The following RBFOX3 variants were observed in gnomAD, a reference collection of about 807,000 sequenced individuals.
RBFOX3 encodes the protein RNA binding fox-1 homolog 3, also known as RNA binding protein fox-1 homolog 3.
In RBFOX3, 17 loss-of-function variants were observed where a neutral mutation model predicts 48.7. The observed-to-expected ratio is 0.35, with a 90% CI of 0.24 to 0.52. The LOEUF (loss-of-function observed/expected upper bound fraction) is 0.52, where lower values mean the gene tolerates loss of function less well. RBFOX3 is among the 20% of genes least tolerant of loss of function. RBFOX3 has a pLI of 0.94. For synonymous variants in RBFOX3, 212 were observed against 209.5 expected, an observed-to-expected ratio of 1.01 and a Z score of -0.10; for missense variants, 382 against 497.5, an observed-to-expected ratio of 0.77 and a Z score of 2.21.
At chr17:79,558,422 C>T (rs1479493236) in intron 1 of RBFOX3, among the ~76,000 whole-genome samples, 2 of 152,184 alleles carry the variant, frequency 1.3e-5, no homozygotes, top group African/African-American at 2.4e-5. Context: ...GCGCAGAGAC[C>T]GGCTGGGGGC....
At chr17:79,170,146 GA>G (rs369151848) in intron 4 of RBFOX3, among the ~76,000 whole-genome samples, 2 of 144,248 alleles carry the variant, frequency 1.4e-5, no homozygotes, top group East Asian at 4.3e-4. Flanking sequence ...AGGAGGGAAG[GA>G]AGGAAGGGAG....
intron 4 of RBFOX3, among the ~76,000 whole-genome samples, chr17:79,178,549 C>T (rs958880832): frequency 7.2e-5 from 11 of 152,210 alleles, no homozygotes; most frequent in Non-Finnish European, 1.6e-4. Flanking sequence ...AGTACGTGAC[C>T]TAACCTCCCA....
Position 79,204,299 on chromosome 17 carries a change from G to A in RBFOX3, c.-34+31467C>T, listed in dbSNP as rs543583810. On this transcript the variant is annotated intron_variant, in intron 4 of 14. Transcript: ENST00000693108. The surrounding 1 kb of genome is among the most constrained non-coding windows in gnomAD (Gnocchi z 4.5). ...CGCCGGGGAGCGGACACACACCAGC[G>A]GGCGCCGGGGAGCGGGTACACACCA... Among the ~76,000 whole-genome samples, 154 of 152,202 alleles carry A rather than the reference G, an allele frequency of 1.0e-3. No homozygotes were observed. The highest frequency in any genetic ancestry group is 1.4e-3 in the Non-Finnish European group (95 of 68,004).
intron 2 of RBFOX3, among the ~76,000 whole-genome samples, chr17:79,389,350 A>G (rs1047836804): frequency 6.6e-6 from 1 of 152,168 alleles, no homozygotes; most frequent in Non-Finnish European, 1.5e-5. Context: ...TATTCTCTGG[A>G]GCACTCCTGC....
chr17:79,375,102 C>T (rs1331329973), intron 2 of RBFOX3, among the ~76,000 whole-genome samples: 1 of 152,196 alleles, frequency 6.6e-6, no homozygotes, highest in Non-Finnish European at 1.5e-5. Flanking sequence ...GAATGACACC[C>T]TGTGTTCCTA....
intron 10 of RBFOX3, 24 bp downstream of exon 10, chr17:79,097,666 CAT>C: frequency 2.0e-6 from 3 of 1,503,304 alleles, no homozygotes; most frequent in Non-Finnish European, 2.7e-6. Context: ...GGTCTCATCC[CAT>C]CCCCGCCCCG....
rs2061282643 is a variant in RBFOX3 at position 79,390,728 on chromosome 17, C to T, written c.-174-82904G>A. ...CTTATCTCAGACAATCTGCCCGTCTCGGCCTCCCAACGCATGGCCCATTCA... is the reference window on the plus strand; with the variant it reads ...CTTATCTCAGACAATCTGCCCGTCTTGGCCTCCCAACGCATGGCCCATTCA... On this transcript the variant is annotated intron_variant, in intron 2 of 14. Transcript: ENST00000693108. The surrounding 1 kb of genome is among the most constrained non-coding windows in gnomAD (Gnocchi z 4.2). 6.6e-6 allele frequency among the ~76,000 whole-genome samples: 1 copy of T among 152,338 alleles called. No homozygotes were observed. Among genetic ancestry groups the T allele is most frequent in the South Asian group, 2.1e-4 (1 of 4,830 alleles).
In RBFOX3 at chr17:79,249,153, C is replaced by G. The variant is rs1029873405; in HGVS notation, c.-73-13348G>C. On this transcript the variant is annotated intron_variant, in intron 3 of 14. Transcript: ENST00000693108. This position sits in a 1 kb window ranked among gnomAD's most constrained non-coding sequence, Gnocchi z 4.1. ...ACCCTTCCAAGCCCTGCAAAACCAT[C>G]TCTGGAACCACCCTGAAGCTAGGGA... Among the ~76,000 whole-genome samples the G allele has an allele frequency of 2.0e-5, 3 of 152,204 alleles. No homozygotes were observed. Among genetic ancestry groups the G allele is most frequent in the African/African-American group, 7.2e-5 (3 of 41,450 alleles).
chr17:79,560,727 C>T (rs2092155130), intron 1 of RBFOX3, among the ~76,000 whole-genome samples: 1 of 152,176 alleles, frequency 6.6e-6, no homozygotes, highest in African/African-American at 2.4e-5. Context: ...TCCACAGATG[C>T]CCCCACCCAC....
the RBFOX3 span, among the ~76,000 whole-genome samples, chr17:79,659,822 C>T: frequency 6.6e-6 from 1 of 152,154 alleles, no homozygotes; most frequent in Non-Finnish European, 1.5e-5. Flanking sequence ...CCCTGGAGGG[C>T]CCCTCTTCCC....
intron 4 of RBFOX3, among the ~76,000 whole-genome samples, chr17:79,136,648 GGGGAAGGTGCTGGGAAGCACC>G (rs1292484107): frequency 1.3e-5 from 2 of 152,168 alleles, no homozygotes; most frequent in East Asian, 3.9e-4. Flanking sequence ...GCCAGAAGAT[GGGGAAGGTGCTGGGAAGCACC>G]GGGAACCTGC....
chr17:79,281,667 G>GT (rs2070554920), intron 3 of RBFOX3, among the ~76,000 whole-genome samples: 1 of 152,248 alleles, frequency 6.6e-6, no homozygotes, highest in South Asian at 2.1e-4. Context: ...ATTCTGCTCA[G>GT]TGATCAAATA....
In RBFOX3 at chr17:79,151,874, G is replaced by A. The variant is rs1253735762; in HGVS notation, c.-33-36126C>T. Among the ~76,000 whole-genome samples the A allele has an allele frequency of 2.6e-4, 22 of 84,532 alleles. No homozygotes were observed. The East Asian group carries it at 7.1e-3, about 27-fold the overall frequency. 55.5% of individuals were successfully genotyped at this position (84,532 alleles called of 152,430 possible). On this transcript the variant is annotated intron_variant, in intron 4 of 14. Coordinates refer to ENST00000693108, the MANE Select transcript of RBFOX3 (RefSeq NM_001350451.2). ...GGGAGGGGACCTGCAGGGGGAGGAGGGGAGGCGATGGGAGGGGACCTGCAG... is the reference window on the plus strand; with the variant it reads ...GGGAGGGGACCTGCAGGGGGAGGAGAGGAGGCGATGGGAGGGGACCTGCAG...
intron 1 of RBFOX3, among the ~76,000 whole-genome samples, chr17:79,501,534 A>AGGTTT (rs1380748778): frequency 1.3e-5 from 2 of 152,194 alleles, no homozygotes; most frequent in Non-Finnish European, 2.9e-5. Flanking sequence ...TGACAGCCAC[A>AGGTTT]GGTTTGAACC....
At chr17:79,662,412 G>A in the RBFOX3 span, among the ~76,000 whole-genome samples, 2,362 of 152,032 alleles carry the variant, frequency 0.016, 57 homozygotes, top group African/African-American at 0.054. Flanking sequence ...GTGAGCCACC[G>A]CGCCCGGCTG....
intron 2 of RBFOX3, among the ~76,000 whole-genome samples, chr17:79,367,742 G>A (rs2057992134): frequency 2.0e-5 from 3 of 152,118 alleles, no homozygotes; most frequent in Admixed American, 2.0e-4. Context: ...GTCATGGTGG[G>A]CCGGACAGGC....
chr17:79,153,871 C>A (rs1231819182), intron 4 of RBFOX3, among the ~76,000 whole-genome samples: 1 of 152,184 alleles, frequency 6.6e-6, no homozygotes, highest in Non-Finnish European at 1.5e-5. Flanking sequence ...TGAGCCCCGG[C>A]TGCCCATGGT....
chr17:79,420,125 TCATACACACACACACACA>T (rs1293143377), intron 2 of RBFOX3, among the ~76,000 whole-genome samples: 1 of 25,250 alleles, frequency 4.0e-5, no homozygotes, highest in East Asian at 8.3e-4. Context: ...AGACTCCGTC[TCATACACACACACACACA>T]CACACACACA....
rs144858204 is a variant in RBFOX3 at position 79,294,174 on chromosome 17, C to T, written c.-74+13550G>A. ...TATTCCTCTCCAACAAGCCGCTGCT[C>T]TTCCCTAACAGTTTATCTGCACTTA... is the stretch of plus-strand genomic sequence containing the variant. On this transcript the variant is annotated intron_variant, in intron 3 of 14. Coordinates refer to ENST00000693108, the MANE Select transcript of RBFOX3 (RefSeq NM_001350451.2). Among the ~76,000 whole-genome samples the T allele has an allele frequency of 1.4e-4, 21 of 152,362 alleles. No homozygotes were observed. In the East Asian group the frequency reaches 4.1e-3, roughly 29 times the overall value.
Sources: gnomAD v4.1 joint callset for allele counts (sites outside exome capture counted in the v4.1 genomes callset) on GRCh38, gnomAD v4.1.1 for gene constraint, Gnocchi (gnomAD v3.1) non-coding constraint, MANE v1.5 for transcripts, NCBI Gene and HGNC (gene_info 2026-07-23, HGNC 2026-07-21) for gene names.